FAT3: variants seen among roughly 807,000 people sequenced by gnomAD.
FAT3 encodes the protein FAT atypical cadherin 3.
Under a neutral mutation model 310.2 loss-of-function variants are expected in FAT3, and 95 were observed. The ratio of observed to expected loss-of-function variants is 0.31; its 90% CI spans 0.26 to 0.36. The LOEUF (loss-of-function observed/expected upper bound fraction) is 0.36. Ranked by LOEUF, FAT3 falls within the 10% of genes least tolerant of loss-of-function variation. FAT3 has a pLI of 1.00. For missense variants in FAT3, 5,408 were observed against 5,715.6 expected (o/e 0.95, Z 1.74); for synonymous variants, 2,314 against 2,192.9 (o/e 1.06, Z -1.54).
chr11:92,869,438 C>T (rs1216892913), intron 22 of FAT3, among the ~76,000 whole-genome samples: 1 of 152,224 alleles, frequency 6.6e-6, no homozygotes, highest in Non-Finnish European at 1.5e-5. Flanking sequence ...ACTTCTGTTG[C>T]TTTCCTGGGG....
chr11:92,394,582 A>G (rs1198411172), intron 2 of FAT3, among the ~76,000 whole-genome samples: 4 of 152,192 alleles, frequency 2.6e-5, no homozygotes, highest in Non-Finnish European at 5.9e-5. Flanking sequence ...GTCACTGCTC[A>G]GCTGTGGGAT....
intron 4 of FAT3, among the ~76,000 whole-genome samples, chr11:92,733,350 A>G (rs117931092): frequency 0.01 from 1,572 of 151,952 alleles, 35 homozygotes; most frequent in East Asian, 0.076. Flanking sequence ...AATCAATTTG[A>G]ATAGGTAATA....
At chr11:92,430,960 G>A (rs1031319704) in intron 2 of FAT3, among the ~76,000 whole-genome samples, 42 of 152,152 alleles carry the variant, frequency 2.8e-4, no homozygotes, top group Non-Finnish European at 4.6e-4. Context: ...GAATAGTGCC[G>A]CAATAAACAT....
At position 92,799,962 on chromosome 11, in the gene FAT3, G is replaced by A. The variant is rs1270698165; in HGVS notation, c.6949G>A (p.Glu2317Lys). 1.2e-6 allele frequency: 2 copies of A among 1,612,890 alleles called. No homozygotes were observed. The highest frequency in any genetic ancestry group is 1.7e-6 in the Non-Finnish European group (2 of 1,179,466). The change falls in exon 10 of 28, where the codon GAA (glutamate) becomes AAA (lysine). Residue 2317 changes from glutamate to lysine, a missense_variant. Around this residue, in one of 5 missense-constraint regions of FAT3, gnomAD observed 4,588 missense variants for 4,809.8 expected, o/e 0.95. Coordinates refer to ENST00000525166, the MANE Select transcript of FAT3 (RefSeq NM_001367949.2). ...LQVVSIDADS[E>K]NNKMVHYQIV... ...AGTTGTCTCTATTGATGCAGACTCA[G>A]AAAACAATAAAATGGTACATTATCA... is the stretch of plus-strand genomic sequence containing the variant.
intron 1 of FAT3, among the ~76,000 whole-genome samples, chr11:92,287,295 A>G (rs183048214): frequency 6.6e-6 from 1 of 152,240 alleles, no homozygotes; most frequent in Non-Finnish European, 1.5e-5. Flanking sequence ...TAGGCTATAA[A>G]TGGTAATTTA....
intron 23 of FAT3, among the ~76,000 whole-genome samples, chr11:92,881,934 T>C (rs1208774093): frequency 6.6e-6 from 1 of 152,202 alleles, no homozygotes; most frequent in Non-Finnish European, 1.5e-5. Flanking sequence ...TGAAGACATG[T>C]AGCCCTTCAC....
chr11:92,234,986 G>A (rs1043360398), intron 1 of FAT3, among the ~76,000 whole-genome samples: 1 of 151,252 alleles, frequency 6.6e-6, no homozygotes, highest in Non-Finnish European at 1.5e-5. Flanking sequence ...CAGGAGAATC[G>A]CTTCAACCTA....
At chr11:92,679,279 GTTTATTTATTTA>G (rs1235672922) in intron 3 of FAT3, among the ~76,000 whole-genome samples, 1 of 150,554 alleles carries the variant, frequency 6.6e-6, no homozygotes, top group East Asian at 1.9e-4. Flanking sequence ...TTTTTTTTTG[GTTTATTTATTTA>G]TTTATTTATT....
chr11:92,647,412 A>C (rs1942206776), intron 3 of FAT3, among the ~76,000 whole-genome samples: 2 of 152,304 alleles, frequency 1.3e-5, no homozygotes, highest in East Asian at 3.9e-4. Flanking sequence ...AATTGTGGAC[A>C]CTGGATTGAG....
chr11:92,867,326 C>A, intron 22 of FAT3, 117 bp downstream of exon 22: 6 of 1,055,210 alleles, frequency 5.7e-6, no homozygotes, highest in Non-Finnish European at 8.0e-6. Flanking sequence ...GTATTCACAC[C>A]CAAGATGCTC....
intron 1 of FAT3, among the ~76,000 whole-genome samples, chr11:92,241,162 A>C (rs2134252433): frequency 6.6e-6 from 1 of 152,192 alleles, no homozygotes; most frequent in Admixed American, 6.5e-5. Context: ...AAACTTACTA[A>C]GCATTCATTA....
chr11:92,227,529 CAG>C (rs1353204848), intron 1 of FAT3, among the ~76,000 whole-genome samples: 1 of 152,112 alleles, frequency 6.6e-6, no homozygotes, highest in Non-Finnish European at 1.5e-5. Flanking sequence ...ATCGATCAAA[CAG>C]AGCCCAGATT....
chr11:92,252,676 G>C (rs1865180077), intron 1 of FAT3, among the ~76,000 whole-genome samples: 1 of 152,148 alleles, frequency 6.6e-6, no homozygotes, highest in African/African-American at 2.4e-5. Flanking sequence ...CCTTGGCCCT[G>C]TCCAGTCACT....
chr11:92,444,664 G>A (rs537818868), intron 2 of FAT3, among the ~76,000 whole-genome samples: 1 of 138,728 alleles, frequency 7.2e-6, no homozygotes, highest in Non-Finnish European at 1.5e-5. Flanking sequence ...ATTACTGGGG[G>A]GGGGGGAAAA....
chr11:92,811,107 C>G (rs764968365), intron 13 of FAT3, among the ~76,000 whole-genome samples: 2 of 152,098 alleles, frequency 1.3e-5, no homozygotes, highest in African/African-American at 4.8e-5. Flanking sequence ...ATTTTCAAGG[C>G]TGAGAACCAA....
At chr11:92,525,560 G>A (rs1156775208) in intron 3 of FAT3, among the ~76,000 whole-genome samples, 1 of 152,168 alleles carries the variant, frequency 6.6e-6, no homozygotes. Context: ...TCGGGAGCAG[G>A]TGTGCATTTG....
rs547745701 is a variant in FAT3, at chr11:92,688,690, A to G, written c.3608-8694A>G. ...GTCATCTTAAAATTCCTGTGCATAC[A>G]TTATCTAGGTCTGGGGGGAGCCTAC... On this transcript the variant is annotated intron_variant, in intron 3 of 27. Transcript: ENST00000525166. Among the ~76,000 whole-genome samples, 6 of 152,282 alleles carry G rather than the reference A, an allele frequency of 3.9e-5. No individual in the cohort carries two copies. The South Asian group carries it at 1.2e-3, about 32-fold the overall frequency.
chr11:92,433,480 G>A (rs686411), intron 2 of FAT3, among the ~76,000 whole-genome samples: 101,739 of 151,980 alleles, frequency 0.67, 37,653 homozygotes, highest in Non-Finnish European at 0.8. Context: ...TCCTTGGCTA[G>A]GGGAGGGAGT....
In FAT3 at chr11:92,405,298, G is replaced by T. The variant is rs575133554; in HGVS notation, c.3292+49894G>T. Reference sequence around the variant, plus strand: ...TAGAGGATCACAGGCATCATGGAGGGTGCACCTGGGAGCATCCTTACAACA... The same window carrying T: ...TAGAGGATCACAGGCATCATGGAGGTTGCACCTGGGAGCATCCTTACAACA... On this transcript the variant is annotated intron_variant, in intron 2 of 27. Transcript: ENST00000525166. Among the ~76,000 whole-genome samples the T allele has an allele frequency of 2.6e-4, 40 of 152,238 alleles. No homozygotes were observed. In the South Asian group the frequency reaches 8.3e-3, roughly 32 times the overall value.
Sources: gnomAD v4.1 joint callset for allele counts (sites outside exome capture counted in the v4.1 genomes callset) on GRCh38, gnomAD v4.1.1 for gene constraint, gnomAD v4.1.1 regional missense constraint, MANE v1.5 for transcripts, NCBI Gene and HGNC (gene_info 2026-07-23, HGNC 2026-07-21) for gene names.